CHSY3: variants seen among roughly 807,000 people sequenced by gnomAD.
CHSY3 encodes N-acetylgalactosaminyl-proteoglycan 3-beta-glucuronosyltransferase 3.
In CHSY3, 35 loss-of-function variants were observed where a neutral mutation model predicts 67.2. The ratio of observed to expected loss-of-function variants is 0.52; its 90% CI spans 0.40 to 0.69. The LOEUF (loss-of-function observed/expected upper bound fraction) is 0.69. Among genes scored for constraint, CHSY3 ranks in the 30% least tolerant of loss-of-function variants. The pLI is 0.00. For synonymous variants in CHSY3, 474 were observed against 434.7 expected, an observed-to-expected ratio of 1.09 and a Z score of -1.12; for missense variants, 1,069 against 1,138.5, an observed-to-expected ratio of 0.94 and a Z score of 0.88.
Position 130,062,309 on chromosome 5 carries a change from T to A in CHSY3, c.1087-121920T>A, listed in dbSNP as rs907238891. Among the ~76,000 whole-genome samples, 13 of 152,024 alleles carry A rather than the reference T, an allele frequency of 8.6e-5. No homozygotes were observed. In the East Asian group the frequency reaches 1.4e-3, roughly 16 times the overall value. On this transcript the variant is annotated intron_variant, in intron 2 of 2. Transcript: ENST00000305031. ...ACTAACCCAGAAACAGAAAACCAAA[T>A]ACAAAATATTTTCACTTATACATGG...
At chr5:130,069,666 A>AT (rs1233950888) in intron 2 of CHSY3, among the ~76,000 whole-genome samples, 2 of 152,064 alleles carry the variant, frequency 1.3e-5, no homozygotes, top group Non-Finnish European at 2.9e-5. Context: ...TATATCATAT[A>AT]TGATTTGAAT....
At chr5:130,178,253 A>ATATTTTTTTTTTTTTT (rs1205782386) in intron 2 of CHSY3, among the ~76,000 whole-genome samples, 8 of 45,912 alleles carry the variant, frequency 1.7e-4, no homozygotes, top group East Asian at 1.9e-3. Context: ...ATATATATAT[A>ATATTTTTTTTTTTTTT]TTTTTTTTTT....
At position 130,095,668 on chromosome 5, in the gene CHSY3, AC is replaced by A. The variant is rs1233494346; in HGVS notation, c.1087-88560del. On this transcript the variant is annotated intron_variant, in intron 2 of 2. Coordinates refer to ENST00000305031, the MANE Select transcript of CHSY3 (RefSeq NM_175856.5). ...AAATCACTATTAGAATATCACAGTA[AC>A]AATTGCTGCAAGGCAAGATCCACCA... 2.0e-5 allele frequency among the ~76,000 whole-genome samples: 3 copies of A among 152,254 alleles called. 1 individual carries two copies. The highest frequency in any genetic ancestry group is 4.4e-5 in the Non-Finnish European group (3 of 68,048).
At chr5:130,111,940 G>A (rs539063458) in intron 2 of CHSY3, among the ~76,000 whole-genome samples, 7 of 152,154 alleles carry the variant, frequency 4.6e-5, no homozygotes, top group South Asian at 2.1e-4. Context: ...TTTAACCCTC[G>A]TATCATGTTT....
chr5:130,078,806 GGAA>G (rs1382105820), intron 2 of CHSY3, among the ~76,000 whole-genome samples: 1 of 152,158 alleles, frequency 6.6e-6, no homozygotes, highest in Non-Finnish European at 1.5e-5. Context: ...CGAAGGAGAG[GGAA>G]GAAGACAGGC....
chr5:130,147,148 T>G (rs1224307671), intron 2 of CHSY3, among the ~76,000 whole-genome samples: 1 of 152,182 alleles, frequency 6.6e-6, no homozygotes, highest in African/African-American at 2.4e-5. Flanking sequence ...ACATGATATA[T>G]CTGAGATCCA....
intron 2 of CHSY3, among the ~76,000 whole-genome samples, chr5:130,013,899 G>A (rs763806303): frequency 6.6e-5 from 10 of 152,194 alleles, no homozygotes; most frequent in South Asian, 6.2e-4. Context: ...ATCATCAGGC[G>A]GAAAATTTTC....
chr5:129,951,818 T>C (rs1239487722), intron 2 of CHSY3, among the ~76,000 whole-genome samples: 1 of 152,206 alleles, frequency 6.6e-6, no homozygotes, highest in Non-Finnish European at 1.5e-5. Context: ...AAGGCAGACT[T>C]CTCCAGGTAT....
At chr5:129,940,275 C>G (rs1360397874) in intron 2 of CHSY3, among the ~76,000 whole-genome samples, 2 of 151,994 alleles carry the variant, frequency 1.3e-5, no homozygotes, top group African/African-American at 4.8e-5. Flanking sequence ...TGTTTACTAC[C>G]TATATGAGTT....
At chr5:129,946,663 T>C (rs2149598156) in intron 2 of CHSY3, among the ~76,000 whole-genome samples, 1 of 152,326 alleles carries the variant, frequency 6.6e-6, no homozygotes, top group East Asian at 1.9e-4. Flanking sequence ...AGTTTGACTC[T>C]TTTAGATTCC....
chr5:130,020,487 C>G (rs1764358489), intron 2 of CHSY3, among the ~76,000 whole-genome samples: 1 of 117,926 alleles, frequency 8.5e-6, no homozygotes, highest in East Asian at 2.5e-4. Context: ...TTTCCTCTGG[C>G]TCCTCCACAT....
chr5:130,013,418 T>C (rs898577942), intron 2 of CHSY3, among the ~76,000 whole-genome samples: 1 of 152,220 alleles, frequency 6.6e-6, no homozygotes, highest in Non-Finnish European at 1.5e-5. Flanking sequence ...AGATTCTCCA[T>C]GAGGGCTCTG....
At chr5:130,101,641 A>G (rs575811402) in intron 2 of CHSY3, among the ~76,000 whole-genome samples, 5 of 152,276 alleles carry the variant, frequency 3.3e-5, no homozygotes, top group Admixed American at 2.6e-4. Flanking sequence ...TATACAATAT[A>G]TTGTTATTAA....
chr5:130,087,950 C>T (rs1230662503), intron 2 of CHSY3, among the ~76,000 whole-genome samples: 1 of 152,116 alleles, frequency 6.6e-6, no homozygotes, highest in Non-Finnish European at 1.5e-5. Context: ...AGGCATCACA[C>T]TACCTGACTT....
intron 2 of CHSY3, among the ~76,000 whole-genome samples, chr5:130,180,937 T>A (rs995042610): frequency 2.0e-5 from 3 of 152,224 alleles, no homozygotes; most frequent in Non-Finnish European, 4.4e-5. Context: ...TATTAATAAT[T>A]CTAAGAAAGG....
At chr5:129,931,635 C>T (rs1218045873) in intron 2 of CHSY3, among the ~76,000 whole-genome samples, 2 of 152,048 alleles carry the variant, frequency 1.3e-5, no homozygotes, top group Admixed American at 6.6e-5. Flanking sequence ...ATATATAGGC[C>T]GTTACTAAAT....
At chr5:130,127,051 A>G (rs1411367383) in intron 2 of CHSY3, among the ~76,000 whole-genome samples, 7 of 152,082 alleles carry the variant, frequency 4.6e-5, no homozygotes, top group African/African-American at 1.4e-4. Flanking sequence ...GGCTGTATCT[A>G]TTTTCCTCTG....
chr5:130,024,636 A>G (rs1561502489), intron 2 of CHSY3, among the ~76,000 whole-genome samples: 1 of 152,138 alleles, frequency 6.6e-6, no homozygotes, highest in Non-Finnish European at 1.5e-5. Flanking sequence ...GACAATATGG[A>G]GAGTTAATTT....
intron 2 of CHSY3, among the ~76,000 whole-genome samples, chr5:129,909,730 G>C (rs561096628): frequency 6.6e-6 from 1 of 151,990 alleles, no homozygotes; most frequent in African/African-American, 2.4e-5. Context: ...ATAAAACAAA[G>C]TAAAAGACAA....
Sources: gnomAD v4.1 joint callset for allele counts (sites outside exome capture counted in the v4.1 genomes callset) on GRCh38, gnomAD v4.1.1 for gene constraint, MANE v1.5 for transcripts, NCBI Gene and HGNC (gene_info 2026-07-23, HGNC 2026-07-21) for gene names.